Variants in ANKS4B observed in about 807,000 individuals in gnomAD.
The protein encoded by ANKS4B is ankyrin repeat and sterile alpha motif domain containing 4B.
Under a neutral mutation model 20.2 loss-of-function variants are expected in ANKS4B, and 21 were observed. The observed-to-expected ratio is 1.04, with a 90% CI of 0.74 to 1.50. The LOEUF is 1.50. ANKS4B is among the 40% of genes most tolerant of loss of function. The pLI, the probability that ANKS4B is intolerant of heterozygous loss-of-function variation, is 0.00. For synonymous variants in ANKS4B, 179 were observed against 194.5 expected, an observed-to-expected ratio of 0.92 and a Z score of 0.66; for missense variants, 473 against 494.6, an observed-to-expected ratio of 0.96 and a Z score of 0.41.
chr16:21,250,941 C>T lies in ANKS4B; in HGVS notation c.*121C>T. On this transcript the variant is annotated 3_prime_UTR_variant, in exon 2 of 2. Transcript: ENST00000311620. ...AATGGATTCTAGGGCATCGGAAATG[C>T]CTACCTGAGAGAGAGACCCAAACTT... The T allele has an allele frequency of 1.4e-6, 2 of 1,397,042 alleles. No homozygotes were observed. Among genetic ancestry groups the T allele is most frequent in the Non-Finnish European group, 1.9e-6 (2 of 1,042,230 alleles). 86.5% of individuals were successfully genotyped at this position (1,397,042 alleles called of 1,614,324 possible). A position where few individuals can be genotyped will look rare whatever the true frequency, so the allele number is the denominator to read the frequency against.
At chr16:21,246,050 T>G (rs1041299949) in intron 1 of ANKS4B, among the ~76,000 whole-genome samples, 2 of 152,230 alleles carry the variant, frequency 1.3e-5, no homozygotes, top group Non-Finnish European at 2.9e-5. Context: ...AAAGAAATAG[T>G]ATTTGAACAT....
intron 1 of ANKS4B, among the ~76,000 whole-genome samples, chr16:21,244,492 C>A (rs1024582371): frequency 6.6e-6 from 1 of 151,870 alleles, no homozygotes; most frequent in Non-Finnish European, 1.5e-5. Context: ...ACATTTAACC[C>A]GGACACCTTA....
chr16:21,233,716 C>T lies in ANKS4B; in HGVS notation c.-22C>T. On this transcript the variant is annotated 5_prime_UTR_variant, in exon 1 of 2. Coordinates refer to ENST00000311620, the MANE Select transcript of ANKS4B (RefSeq NM_145865.3). ...TGCTCTGCCTGGAGAGACATCTGGC[C>T]AAGTTCTGGTGAGCAGGAAAAATGT... 1 of 1,610,938 alleles carries T rather than the reference C, an allele frequency of 6.2e-7. No individual in the cohort carries two copies. The highest frequency in any genetic ancestry group is 8.5e-7 in the Non-Finnish European group (1 of 1,178,424).
intron 1 of ANKS4B, among the ~76,000 whole-genome samples, chr16:21,243,325 A>AG (rs763512614): frequency 2.6e-4 from 39 of 152,324 alleles, no homozygotes; most frequent in Non-Finnish European, 4.9e-4. Flanking sequence ...ATAGAAAAAA[A>AG]CAACACTAGA....
intron 1 of ANKS4B, among the ~76,000 whole-genome samples, chr16:21,234,522 C>CACA (rs1380262253): frequency 4.1e-5 from 5 of 121,362 alleles, no homozygotes; most frequent in Admixed American, 9.2e-5. Context: ...ACACACACAC[C>CACA]CCATCTCTTT....
chr16:21,248,322 CTT>C (rs59170909), intron 1 of ANKS4B, among the ~76,000 whole-genome samples: 417 of 131,566 alleles, frequency 3.2e-3, no homozygotes, highest in East Asian at 6.0e-3. Flanking sequence ...TGAGCCTAGC[CTT>C]TTTTTTTTTT....
intron 1 of ANKS4B, among the ~76,000 whole-genome samples, chr16:21,239,210 A>G (rs1281566319): frequency 6.6e-6 from 1 of 152,212 alleles, no homozygotes; most frequent in African/African-American, 2.4e-5. Flanking sequence ...AATTGCTCCA[A>G]GAGCTAAAAG....
intron 1 of ANKS4B, among the ~76,000 whole-genome samples, chr16:21,245,793 A>G (rs1157086331): frequency 2.0e-5 from 3 of 152,180 alleles, no homozygotes. Context: ...ACCCACAAGC[A>G]TTATTGTGCT....
intron 1 of ANKS4B, among the ~76,000 whole-genome samples, chr16:21,237,648 C>G (rs990197058): frequency 6.6e-6 from 1 of 151,502 alleles, no homozygotes; most frequent in African/African-American, 2.4e-5. Context: ...AGGGTGCTAA[C>G]CCCATTCATG....
chr16:21,247,189 T>C (rs1267131317), intron 1 of ANKS4B, among the ~76,000 whole-genome samples: 2 of 151,950 alleles, frequency 1.3e-5, no homozygotes, highest in African/African-American at 2.4e-5. Context: ...CTCAGCCTCC[T>C]GAGAAACTGG....
rs771254091 is a variant in ANKS4B at position 21,233,920 on chromosome 16, T to C, written c.164+19T>C. The C allele has an allele frequency of 3.7e-6, 6 of 1,602,660 alleles. No individual in the cohort carries two copies. The Admixed American group carries it at 6.8e-5, about 18-fold the overall frequency. On this transcript the variant is annotated intron_variant, in intron 1 of 1. Coordinates refer to ENST00000311620, the MANE Select transcript of ANKS4B (RefSeq NM_145865.3). ...GTAGAGGGTAAGTTCAACCCGATGGTTTCTGTTGGAAACAGTGTTCATGGT... is the reference window on the plus strand; with the variant it reads ...GTAGAGGGTAAGTTCAACCCGATGGCTTCTGTTGGAAACAGTGTTCATGGT...
intron 1 of ANKS4B, among the ~76,000 whole-genome samples, chr16:21,247,225 C>T (rs1040456443): frequency 9.2e-5 from 14 of 152,138 alleles, no homozygotes; most frequent in East Asian, 1.9e-4. Context: ...CCACCACGCC[C>T]GGCTAATTTT....
At chr16:21,237,857 G>A (rs1373427883) in intron 1 of ANKS4B, among the ~76,000 whole-genome samples, 1 of 152,124 alleles carries the variant, frequency 6.6e-6, no homozygotes, top group African/African-American at 2.4e-5. Flanking sequence ...TGGCCAACAT[G>A]ATAGGTCCAA....
At chr16:21,245,350 G>A (rs1003922322) in intron 1 of ANKS4B, among the ~76,000 whole-genome samples, 2 of 152,136 alleles carry the variant, frequency 1.3e-5, no homozygotes, top group African/African-American at 2.4e-5. Flanking sequence ...GACTTCTGCC[G>A]GGACATGTGG....
intron 1 of ANKS4B, among the ~76,000 whole-genome samples, chr16:21,234,520 A>C (rs199552018): frequency 1.1e-4 from 16 of 144,456 alleles, no homozygotes; most frequent in South Asian, 6.5e-4. Context: ...ACACACACAC[A>C]CCCCATCTCT....
chr16:21,243,780 A>C (rs547411001), intron 1 of ANKS4B: 1 of 152,144 alleles, frequency 6.6e-6, no homozygotes, highest in African/African-American at 2.4e-5. Context: ...TCACCATGTT[A>C]GCCAGGATGG....
intron 1 of ANKS4B, chr16:21,244,072 TAAAAAAAAAA>T (rs35018963): frequency 8.8e-6 from 1 of 113,064 alleles, no homozygotes; most frequent in Non-Finnish European, 1.9e-5. Flanking sequence ...GGTGCAGCTG[TAAAAAAAAAA>T]AAAAAAAAAA....
intron 1 of ANKS4B, among the ~76,000 whole-genome samples, chr16:21,238,604 C>T (rs60274479): frequency 0.18 from 27,991 of 151,974 alleles, 3,044 homozygotes; most frequent in South Asian, 0.32. Flanking sequence ...ATTTTAAATA[C>T]TTTATATAAT....
rs1406085564 is a variant in ANKS4B, at chr16:21,239,828, T to A, written c.164+5927T>A. On this transcript the variant is annotated intron_variant, in intron 1 of 1. Coordinates refer to ENST00000311620, the MANE Select transcript of ANKS4B (RefSeq NM_145865.3). The stretch of plus-strand genomic sequence containing the variant: ...CAGGAACAGAAAACCAAACACCACA[T>A]ATTCTTACTGATAAGTGGGAGCTAA... 1.3e-5 allele frequency among the ~76,000 whole-genome samples: 2 copies of A among 152,214 alleles called. 1 individual carries two copies. Among genetic ancestry groups the A allele is most frequent in the Middle Eastern group, 6.3e-3 (2 of 316 alleles).
Sources: gnomAD v4.1 joint callset for allele counts (sites outside exome capture counted in the v4.1 genomes callset) on GRCh38, gnomAD v4.1.1 for gene constraint, MANE v1.5 for transcripts, NCBI Gene and HGNC (gene_info 2026-07-23, HGNC 2026-07-21) for gene names.